GGA2: variants seen among roughly 807,000 people sequenced by gnomAD.
GGA2 encodes golgi associated, gamma adaptin ear containing, ARF binding protein 2, also known as ADP-ribosylation factor-binding protein GGA2.
Under a neutral mutation model 79.5 loss-of-function variants are expected in GGA2, and 48 were observed. The ratio of observed to expected loss-of-function variants is 0.60; its 90% confidence interval spans 0.48 to 0.77. The LOEUF is 0.77. GGA2 is among the 30% of genes least tolerant of loss of function. GGA2 has a pLI of 0.00. For synonymous variants in GGA2, 317 were observed against 302.0 expected (o/e 1.05, Z -0.51); for missense variants, 770 against 774.0 (o/e 0.99, Z 0.06).
chr16:23,482,855 T>C (rs1218081016), intron 9 of GGA2, 68 bp downstream of exon 9: 2 of 922,468 alleles, frequency 2.2e-6, no homozygotes, highest in Admixed American at 1.7e-5. Context: ...GGCACAGCAG[T>C]GTGACAGGAG....
At chr16:23,470,747 T>TCAAA (rs34615748) in intron 14 of GGA2, among the ~76,000 whole-genome samples, 106,191 of 146,726 alleles carry the variant, frequency 0.72, 39,035 homozygotes, top group Middle Eastern at 0.81. Context: ...AGACTCTGTC[T>TCAAA]CAAACAAACA....
chr16:23,503,925 T>C (rs1964946705), intron 1 of GGA2, among the ~76,000 whole-genome samples: 1 of 151,980 alleles, frequency 6.6e-6, no homozygotes, highest in South Asian at 2.1e-4. Flanking sequence ...CTACTAAAAA[T>C]ACAAAATTAG....
At chr16:23,496,700 T>C (rs990494337) in intron 1 of GGA2, among the ~76,000 whole-genome samples, 16 of 152,096 alleles carry the variant, frequency 1.1e-4, no homozygotes, top group Non-Finnish European at 1.9e-4. Context: ...CTCACGCCTG[T>C]AATCCCAGCA....
At position 23,464,668 on chromosome 16, in the gene GGA2, G is replaced by T. The variant is rs1045458754; in HGVS notation, c.*2922C>A. On this transcript the variant is annotated 3_prime_UTR_variant, in exon 17 of 17. Transcript: ENST00000309859. ...ATGCAACTACTCTGCGGATACAGAC[G>T]AAGCAGGAATCAGGGACCCAATAAG... 6.6e-6 allele frequency: 1 copy of T among 152,380 alleles called. No individual in the cohort carries two copies. The highest frequency in any genetic ancestry group is 2.1e-4 in the South Asian group (1 of 4,818). The allele number at this position is 152,380 out of a possible 1,614,324, so 9.4% of individuals were successfully genotyped here. A position where few individuals can be genotyped will look rare whatever the true frequency, so the allele number is the denominator to read the frequency against.
At chr16:23,485,924 T>C in intron 8 of GGA2, 91 bp downstream of exon 8, 3 of 1,196,590 alleles carry the variant, frequency 2.5e-6, no homozygotes, top group Non-Finnish European at 3.6e-6. Context: ...CCGTCTTGAC[T>C]CTGAGATGGC....
At chr16:23,520,017 C>T (rs915394050) in intron 1 of GGA2, among the ~76,000 whole-genome samples, 1 of 152,140 alleles carries the variant, frequency 6.6e-6, no homozygotes. Flanking sequence ...GAGGCCGAGG[C>T]AGGCGGATCA....
chr16:23,487,447 C>G (rs1964729709), intron 6 of GGA2, among the ~76,000 whole-genome samples: 1 of 152,050 alleles, frequency 6.6e-6, no homozygotes, highest in Non-Finnish European at 1.5e-5. Context: ...CAGGACAGTC[C>G]CCAACAACAG....
At chr16:23,506,527 T>C (rs1328310508) in intron 1 of GGA2, among the ~76,000 whole-genome samples, 1 of 152,170 alleles carries the variant, frequency 6.6e-6, no homozygotes, top group Non-Finnish European at 1.5e-5. Context: ...GGTGACATTT[T>C]TGGCTGTTAT....
chr16:23,476,078 G>A (rs1467329434), intron 13 of GGA2, among the ~76,000 whole-genome samples: 1 of 152,176 alleles, frequency 6.6e-6, no homozygotes, highest in African/African-American at 2.4e-5. Flanking sequence ...TTGTTTCCCA[G>A]GTGTGATCAC....
chr16:23,473,264 T>C (rs1313553726), intron 14 of GGA2, among the ~76,000 whole-genome samples: 4 of 148,312 alleles, frequency 2.7e-5, no homozygotes, highest in Non-Finnish European at 6.0e-5. Context: ...CAAGAAAATC[T>C]ATCAAGACAT....
intron 1 of GGA2, among the ~76,000 whole-genome samples, chr16:23,507,926 C>T (rs1964991260): frequency 6.6e-6 from 1 of 152,142 alleles, no homozygotes; most frequent in Admixed American, 6.5e-5. Context: ...TGCCGCTGCA[C>T]TCCAGCCTGG....
chr16:23,467,387 A>AAC lies in GGA2; in HGVS notation c.*201_*202dup, dbSNP rs57255054. Reference sequence around the variant, plus strand: ...GCCCTGTGCTACCACCCTCTCCCCGAACACACACACACACACACACACACA... The same window carrying AAC: ...GCCCTGTGCTACCACCCTCTCCCCGAACACACACACACACACACACACACACA... On this transcript the variant is annotated 3_prime_UTR_variant, in exon 17 of 17. Coordinates refer to ENST00000309859, the MANE Select transcript of GGA2 (RefSeq NM_015044.4). 0.064 allele frequency: 20,992 copies of AAC among 326,100 alleles called. 635 individuals are homozygous for AAC. The highest frequency in any genetic ancestry group is 0.13 in the African/African-American group (4,632 of 35,020). The allele number at this position is 326,100 out of a possible 1,614,324, so 20.2% of individuals were successfully genotyped here.
At chr16:23,479,373 T>TC (rs1322089665) in intron 11 of GGA2, among the ~76,000 whole-genome samples, 1 of 125,850 alleles carries the variant, frequency 7.9e-6, no homozygotes, top group Non-Finnish European at 1.6e-5. Flanking sequence ...CTCACACCCA[T>TC]CCCGATTCCC....
upstream of GGA2, chr16:23,523,800 G>C (rs903439779): frequency 4.1e-5 from 6 of 146,568 alleles, no homozygotes; most frequent in African/African-American, 1.5e-4. Context: ...TCCAACTGGT[G>C]TTCTTAGAAG....
At chr16:23,480,617 G>A in intron 10 of GGA2, 28 bp downstream of exon 10, 1 of 1,589,150 alleles carries the variant, frequency 6.3e-7, no homozygotes, top group Non-Finnish European at 8.6e-7. Context: ...CCAAGGCAGA[G>A]AAGGCAAGGA....
At chr16:23,524,302 G>C, upstream of GGA2, 2 of 1,398,766 alleles carry the variant, frequency 1.4e-6, no homozygotes, top group South Asian at 2.3e-5. Context: ...GCCTCCTTCT[G>C]GTCTCTGAAA....
chr16:23,508,081 G>A (rs1404551460), intron 1 of GGA2, among the ~76,000 whole-genome samples: 1 of 104,186 alleles, frequency 9.6e-6, no homozygotes, highest in Non-Finnish European at 2.0e-5. Context: ...TTTTTTTTTT[G>A]AGACAGAATC....
chr16:23,479,507 C>T (rs1303087304), intron 11 of GGA2, among the ~76,000 whole-genome samples: 3 of 151,712 alleles, frequency 2.0e-5, no homozygotes, highest in African/African-American at 7.3e-5. Flanking sequence ...GGGTCCAGCT[C>T]ACTCCCCTAC....
intron 1 of GGA2, among the ~76,000 whole-genome samples, chr16:23,507,692 T>C (rs1964988957): frequency 1.3e-5 from 2 of 151,844 alleles, no homozygotes; most frequent in African/African-American, 4.8e-5. Context: ...CCCAGCTACT[T>C]GGGAGGCTGA....
Sources: gnomAD v4.1 joint callset for allele counts (sites outside exome capture counted in the v4.1 genomes callset) on GRCh38, gnomAD v4.1.1 for gene constraint, MANE v1.5 for transcripts, NCBI Gene and HGNC (gene_info 2026-07-23, HGNC 2026-07-21) for gene names.